STK3: variants seen among roughly 807,000 people sequenced by gnomAD.
STK3 encodes serine/threonine-protein kinase 3.
A neutral mutation model predicts 58.0 loss-of-function variants in STK3; 41 were observed. The ratio of observed to expected loss-of-function variants is 0.71; its 90% CI spans 0.55 to 0.92. The LOEUF (loss-of-function observed/expected upper bound fraction) is 0.92. Among genes scored for constraint, STK3 ranks in the 40% least tolerant of loss-of-function variants. The pLI is 0.00. For synonymous variants in STK3, 170 were observed against 191.0 expected, an observed-to-expected ratio of 0.89 and a Z score of 0.91; for missense variants, 479 against 602.7, an observed-to-expected ratio of 0.79 and a Z score of 2.15.
chr8:98,744,613 A>T (rs1475314881), intron 4 of STK3, among the ~76,000 whole-genome samples: 1 of 149,402 alleles, frequency 6.7e-6, no homozygotes, highest in Non-Finnish European at 1.5e-5. Flanking sequence ...GGATAGCATT[A>T]GGAGATATAC....
At position 98,588,686 on chromosome 8, in the gene STK3, A is replaced by G. The variant is rs1168389341; in HGVS notation, c.822+7346T>C. Among the ~76,000 whole-genome samples, 9 of 150,398 alleles carry G rather than the reference A, an allele frequency of 6.0e-5. No homozygotes were observed. In the East Asian group the frequency reaches 1.8e-3, roughly 29 times the overall value. On this transcript the variant is annotated intron_variant, in intron 7 of 10. Transcript: ENST00000419617. ...GAAGTTCTCCTGGATAATATCCTGC[A>G]GAGTGTTTTCCAACTTGGTTCCATT...
intron 4 of STK3, among the ~76,000 whole-genome samples, chr8:98,721,957 G>A (rs1247121660): frequency 6.6e-6 from 1 of 151,910 alleles, no homozygotes; most frequent in African/African-American, 2.4e-5. Context: ...CTAACCTCAT[G>A]GGGCTCCAAT....
At chr8:98,733,013 G>C (rs1828319211) in intron 4 of STK3, among the ~76,000 whole-genome samples, 1 of 152,202 alleles carries the variant, frequency 6.6e-6, no homozygotes, top group South Asian at 2.1e-4. Flanking sequence ...TAGACCACAT[G>C]CTGGGAACAT....
intron 6 of STK3, among the ~76,000 whole-genome samples, chr8:98,632,316 A>T (rs1038994915): frequency 1.3e-5 from 2 of 152,242 alleles, no homozygotes; most frequent in African/African-American, 4.8e-5. Context: ...TCACCTCAAG[A>T]GAATAATAGA....
chr8:98,512,444 T>C (rs1198253292), intron 10 of STK3, among the ~76,000 whole-genome samples: 1 of 152,144 alleles, frequency 6.6e-6, no homozygotes, highest in East Asian at 1.9e-4. Flanking sequence ...GTATAATTTT[T>C]GAAGAAGTCT....
intron 1 of STK3, chr8:98,905,021 T>C: frequency 2.4e-6 from 2 of 821,890 alleles, no homozygotes; most frequent in Admixed American, 1.7e-5. Context: ...GTGCTGCATA[T>C]GCATCGTTGT....
chr8:98,904,874 G>A, intron 1 of STK3: 1 of 681,772 alleles, frequency 1.5e-6, no homozygotes, highest in South Asian at 1.4e-5. Flanking sequence ...AAGTAGAGTT[G>A]AGGTGGCTGG....
intron 3 of STK3, among the ~76,000 whole-genome samples, chr8:98,860,853 G>C (rs555092918): frequency 6.6e-6 from 1 of 152,030 alleles, no homozygotes; most frequent in African/African-American, 2.4e-5. Flanking sequence ...CCAGGAGTTC[G>C]AGAACAGCTT....
At chr8:98,868,011 C>G (rs1308593962) in intron 3 of STK3, among the ~76,000 whole-genome samples, 2 of 152,176 alleles carry the variant, frequency 1.3e-5, no homozygotes, top group Non-Finnish European at 2.9e-5. Flanking sequence ...GCACCACACA[C>G]AGCCTCATCA....
chr8:98,799,276 T>C (rs1338375591), intron 1 of STK3, among the ~76,000 whole-genome samples: 1 of 151,880 alleles, frequency 6.6e-6, no homozygotes, highest in Non-Finnish European at 1.5e-5. Flanking sequence ...AGTCTTACAT[T>C]GCCAAAGCCA....
downstream of STK3, among the ~76,000 whole-genome samples, chr8:98,399,947 C>T (rs962621783): frequency 6.6e-6 from 1 of 152,198 alleles, no homozygotes; most frequent in Non-Finnish European, 1.5e-5. Context: ...ATCACCACTC[C>T]ACCTTCCACT....
chr8:98,817,369 G>A lies in STK3; in HGVS notation c.26+8146C>T, dbSNP rs577976351. Among the ~76,000 whole-genome samples, 46 of 150,310 alleles carry A rather than the reference G, an allele frequency of 3.1e-4. 1 individual carries two copies. The East Asian group carries it at 7.7e-3, about 25-fold the overall frequency. ...CTTGGGAGGCTGAGGCAGGAGAATT[G>A]CTTGAACCTATAAGGCGGAGGTTGC... On this transcript the variant is annotated intron_variant, in intron 1 of 10. Transcript: ENST00000419617.
At chr8:98,474,927 T>C (rs1173274553) in intron 10 of STK3, among the ~76,000 whole-genome samples, 1 of 152,214 alleles carries the variant, frequency 6.6e-6, no homozygotes, top group African/African-American at 2.4e-5. Flanking sequence ...GTGCCTAACA[T>C]CATCCAATCT....
Position 98,412,967 on chromosome 8 carries a change from C to G in STK3, n.484-11454G>C. ...TCAGGCACTGGAGCATCTGGCCTCT[C>G]AGGAAGGTCTGGGACTAGTCCTTCT... On this transcript the variant is annotated intron_variant and non_coding_transcript_variant, in intron 3 of 3. Coordinates refer to the STK3 transcript ENST00000517832. 3 of 264,082 alleles carry G rather than the reference C, an allele frequency of 1.1e-5. No homozygotes were observed. In the South Asian group the frequency reaches 1.2e-4, roughly 11 times the overall value. The allele number at this position is 264,082 out of a possible 1,614,324, so 16.4% of individuals were successfully genotyped here. A position where few individuals can be genotyped will look rare whatever the true frequency, so the allele number is the denominator to read the frequency against.
downstream of STK3, among the ~76,000 whole-genome samples, chr8:98,397,288 G>T: frequency 6.6e-6 from 1 of 152,184 alleles, no homozygotes; most frequent in East Asian, 1.9e-4. Context: ...CAGCACTTTG[G>T]GAGGCCAAGG....
intron 1 of STK3, among the ~76,000 whole-genome samples, chr8:98,821,081 A>G (rs1049853860): frequency 3.3e-5 from 5 of 152,186 alleles, no homozygotes; most frequent in African/African-American, 1.2e-4. Context: ...TTTACAGCAC[A>G]ATACAGTGGA....
At chr8:98,426,481 A>G (rs1818234287) in intron 3 of STK3, among the ~76,000 whole-genome samples, 1 of 150,214 alleles carries the variant, frequency 6.7e-6, no homozygotes, top group African/African-American at 2.5e-5. Context: ...GAACTCAGCG[A>G]CTCCCGCCCC....
intron 1 of STK3, among the ~76,000 whole-genome samples, chr8:98,893,492 G>GAAA: frequency 1.2e-5 from 1 of 86,874 alleles, no homozygotes. Flanking sequence ...GAAAGAGAAA[G>GAAA]AAAGAAAGAA....
In STK3 at chr8:98,627,396, C is replaced by T. The variant is rs563294771; in HGVS notation, c.685-31227G>A. 4.0e-4 allele frequency among the ~76,000 whole-genome samples: 60 copies of T among 151,788 alleles called. 1 individual carries two copies. The highest frequency in any genetic ancestry group is 2.0e-3 in the Admixed American group (30 of 15,244). ...AAGCGTGGTGGCATGTGCCTGTAAT[C>T]CCAGCTACTTGGGAGGCTGAGACAG... On this transcript the variant is annotated intron_variant, in intron 6 of 10. Transcript: ENST00000419617.
Sources: gnomAD v4.1 joint callset for allele counts (sites outside exome capture counted in the v4.1 genomes callset) on GRCh38, gnomAD v4.1.1 for gene constraint, MANE v1.5 for transcripts, NCBI Gene and HGNC (gene_info 2026-07-23, HGNC 2026-07-21) for gene names.